Variants in PGM5 observed in about 807,000 individuals in gnomAD.
PGM5 encodes the protein phosphoglucomutase 5, also known as phosphoglucomutase-like protein 5.
PGM5 carries 23 observed loss-of-function variants against 59.2 expected under a neutral mutation model. The ratio of observed to expected loss-of-function variants is 0.39; its 90% CI spans 0.28 to 0.55. The LOEUF (loss-of-function observed/expected upper bound fraction) is 0.55, where lower values mean the gene tolerates loss of function less well. PGM5 is among the 20% of genes least tolerant of loss of function. The pLI is 0.66. For synonymous variants in PGM5, 214 were observed against 286.0 expected (o/e 0.75, Z 2.54); for missense variants, 574 against 748.3 (o/e 0.77, Z 2.72).
chr9:68,454,589 C>G (rs1176086176), intron 6 of PGM5, among the ~76,000 whole-genome samples: 1 of 152,136 alleles, frequency 6.6e-6, no homozygotes, highest in Non-Finnish European at 1.5e-5. Flanking sequence ...GCTCCCAGGC[C>G]TCATCGCATT....
chr9:68,504,449 TC>T (rs1213222409), intron 10 of PGM5, among the ~76,000 whole-genome samples: 1 of 152,144 alleles, frequency 6.6e-6, no homozygotes, highest in Non-Finnish European at 1.5e-5. Flanking sequence ...CCCTCTGACC[TC>T]ATTTCCTATC....
intron 6 of PGM5, among the ~76,000 whole-genome samples, chr9:68,448,739 T>C (rs1823651701): frequency 6.6e-6 from 1 of 152,146 alleles, no homozygotes; most frequent in Admixed American, 6.5e-5. Context: ...CTGAACTGAG[T>C]TGATATTCAG....
chr9:68,360,663 T>G (rs1834558442), intron 1 of PGM5, among the ~76,000 whole-genome samples: 1 of 152,002 alleles, frequency 6.6e-6, no homozygotes, highest in Non-Finnish European at 1.5e-5. Flanking sequence ...GAGATGAGAT[T>G]AATGGCACTC....
At chr9:68,406,664 ATATATATATATATG>A (rs200150617) in intron 6 of PGM5, among the ~76,000 whole-genome samples, 1,625 of 4,650 alleles carry the variant, frequency 0.35, 253 homozygotes, top group Non-Finnish European at 0.42. Context: ...AATTAGGTAT[ATATATATATATATG>A]TATATATATA....
Position 68,407,259 on chromosome 9 carries a change from C to G in PGM5, c.1043+14786C>G, listed in dbSNP as rs1355846617. ...CCTCCCACCTCAGCCTCCCAAGTAG[C>G]TGGGAACACAGACATGCACCACCCT... On this transcript the variant is annotated intron_variant, in intron 6 of 10. Transcript: ENST00000396396. Among the ~76,000 whole-genome samples, 54 of 152,178 alleles carry G rather than the reference C, an allele frequency of 3.5e-4. 1 individual carries two copies. In the East Asian group the frequency reaches 9.7e-3, roughly 27 times the overall value.
At chr9:68,525,048 A>G (rs1486181360) in intron 10 of PGM5, among the ~76,000 whole-genome samples, 2 of 152,026 alleles carry the variant, frequency 1.3e-5, no homozygotes, top group African/African-American at 2.4e-5. Context: ...TCCTCATTCC[A>G]ACTGCCTCTC....
chr9:68,504,687 C>A (rs1554688887), intron 10 of PGM5, among the ~76,000 whole-genome samples: 1 of 152,062 alleles, frequency 6.6e-6, no homozygotes, highest in Non-Finnish European at 1.5e-5. Flanking sequence ...TTTGCTTTCT[C>A]CATGGCATTT....
intron 6 of PGM5, among the ~76,000 whole-genome samples, chr9:68,451,603 C>G (rs1330701010): frequency 2.0e-5 from 3 of 152,182 alleles, no homozygotes; most frequent in Non-Finnish European, 4.4e-5. Context: ...TGCTTTTGCA[C>G]AGGGCACACA....
intron 6 of PGM5, among the ~76,000 whole-genome samples, chr9:68,431,332 C>T (rs947301461): frequency 7.2e-5 from 11 of 152,130 alleles, no homozygotes; most frequent in Non-Finnish European, 1.3e-4. Context: ...GTTTCTGTAT[C>T]ACAGGAACCC....
intron 1 of PGM5, among the ~76,000 whole-genome samples, chr9:68,370,006 C>A (rs1834753849): frequency 6.6e-6 from 1 of 152,020 alleles, no homozygotes; most frequent in Admixed American, 6.5e-5. Context: ...CAACCCATGG[C>A]AGCTTGGCTT....
At chr9:68,486,590 A>C (rs1824300655) in intron 9 of PGM5, among the ~76,000 whole-genome samples, 1 of 152,224 alleles carries the variant, frequency 6.6e-6, no homozygotes, top group Non-Finnish European at 1.5e-5. Flanking sequence ...GGGTTCATCC[A>C]CTTTGTACCA....
Position 68,479,660 on chromosome 9 carries a change from C to T in PGM5, c.1295+107C>T, listed in dbSNP as rs563424974. 1,240 of 1,185,108 alleles carry T rather than the reference C, an allele frequency of 1.0e-3. 15 individuals are homozygous for T. The African/African-American group carries it at 0.016, about 16-fold the overall frequency. The allele number at this position is 1,185,108 out of a possible 1,614,324, so 73.4% of individuals were successfully genotyped here. ...CTTAAAAAGGAGGCATCAGGCCGGG[C>T]GCGGTGGCTCACGCCTGTAATCCCA... On this transcript the variant is annotated intron_variant, in intron 8 of 10. Coordinates refer to ENST00000396396, the MANE Select transcript of PGM5 (RefSeq NM_021965.4).
chr9:68,370,129 A>G (rs97981), intron 1 of PGM5, among the ~76,000 whole-genome samples: 74,432 of 150,908 alleles, frequency 0.49, 18,494 homozygotes, highest in Admixed American at 0.53. Flanking sequence ...TGGAGGCTGT[A>G]TGGTCCTGGA....
chr9:68,523,896 T>C (rs1824933735), intron 10 of PGM5, among the ~76,000 whole-genome samples: 1 of 152,194 alleles, frequency 6.6e-6, no homozygotes, highest in Admixed American at 6.5e-5. Context: ...GAAAAATCAG[T>C]TAACTATTTA....
chr9:68,418,947 G>A (rs1027109031), intron 6 of PGM5, among the ~76,000 whole-genome samples: 16 of 152,014 alleles, frequency 1.1e-4, no homozygotes, highest in African/African-American at 2.9e-4. Flanking sequence ...CTTTATAGTC[G>A]GCTGAAAAAG....
At chr9:68,426,471 T>C (rs1823240008) in intron 6 of PGM5, among the ~76,000 whole-genome samples, 1 of 152,208 alleles carries the variant, frequency 6.6e-6, no homozygotes, top group East Asian at 1.9e-4. Flanking sequence ...CCACTTTTCA[T>C]ATCTAATGTT....
chr9:68,522,199 G>T (rs2132119826), intron 10 of PGM5, among the ~76,000 whole-genome samples: 1 of 152,292 alleles, frequency 6.6e-6, no homozygotes. Context: ...AAGTTGCAGT[G>T]AGCCATCTGA....
chr9:68,434,324 A>G (rs1411856716), intron 6 of PGM5, among the ~76,000 whole-genome samples: 1 of 131,236 alleles, frequency 7.6e-6, no homozygotes, highest in African/African-American at 3.5e-5. Context: ...CTCAAAAAAA[A>G]AAAAAAAAAA....
At chr9:68,525,442 C>T (rs895556664) in intron 10 of PGM5, among the ~76,000 whole-genome samples, 7 of 152,142 alleles carry the variant, frequency 4.6e-5, no homozygotes, top group Non-Finnish European at 8.8e-5. Context: ...CCACATATTC[C>T]ATGGTGGCCC....
Sources: allele counts gnomAD v4.1 joint callset (sites outside exome capture counted in the v4.1 genomes callset), GRCh38; gene constraint gnomAD v4.1.1; transcripts MANE v1.5; gene names NCBI Gene and HGNC (gene_info 2026-07-23, HGNC 2026-07-21).